BMP5: variants seen among roughly 807,000 people sequenced by gnomAD.
BMP5 encodes bone morphogenetic protein 5.
Under a neutral mutation model 46.6 loss-of-function variants are expected in BMP5, and 23 were observed. That is an observed-to-expected ratio of 0.49 (90% CI 0.35 to 0.70). BMP5 has a LOEUF of 0.70. Among genes scored for constraint, BMP5 ranks in the 30% least tolerant of loss-of-function variants. The pLI is 0.00. For missense variants in BMP5, 545 were observed against 565.6 expected (o/e 0.96, Z 0.37); for synonymous variants, 204 against 191.9 (o/e 1.06, Z -0.52).
chr6:55,755,887 T>C (rs1582038603), intron 6 of BMP5, among the ~76,000 whole-genome samples: 2 of 152,048 alleles, frequency 1.3e-5, no homozygotes, highest in South Asian at 2.1e-4. Flanking sequence ...GCCAATTCAA[T>C]TATGTGTTTG....
chr6:55,777,265 G>C (rs575765862), intron 3 of BMP5, among the ~76,000 whole-genome samples: 1 of 151,602 alleles, frequency 6.6e-6, no homozygotes, highest in East Asian at 1.9e-4. Flanking sequence ...TACACCGTAT[G>C]TATTAAAAAA....
chr6:55,866,040 C>T (rs1011150909), intron 1 of BMP5, among the ~76,000 whole-genome samples: 6 of 152,176 alleles, frequency 3.9e-5, no homozygotes, highest in African/African-American at 1.2e-4. Context: ...AATTAATAAC[C>T]TTCATTGCTT....
intron 3 of BMP5, among the ~76,000 whole-genome samples, chr6:55,790,011 A>G (rs1775538739): frequency 1.3e-5 from 2 of 152,178 alleles, no homozygotes; most frequent in African/African-American, 4.8e-5. Flanking sequence ...GCTACTTTTG[A>G]TTTCAGCAGC....
intron 4 of BMP5, among the ~76,000 whole-genome samples, chr6:55,770,654 T>C (rs1775027111): frequency 6.6e-6 from 1 of 151,960 alleles, no homozygotes. Context: ...TAGCTTTCAA[T>C]CTATCTGGAC....
In BMP5 at chr6:55,758,876, A is replaced by T; in HGVS notation, c.1215+129T>A. On this transcript the variant is annotated intron_variant, in intron 6 of 6. Transcript: ENST00000370830. The stretch of plus-strand genomic sequence containing the variant: ...ACCCACAGTTGTTACTTCAGCTCTA[A>T]AAAGAAACAAATGAGTTTGAGAAGA... 7 of 750,862 alleles carry T rather than the reference A, an allele frequency of 9.3e-6. 1 individual carries two copies. The South Asian group carries it at 1.0e-4, about 11-fold the overall frequency. 46.5% of individuals were successfully genotyped at this position (750,862 alleles called of 1,614,324 possible). A position where few individuals can be genotyped will look rare whatever the true frequency, so the allele number is the denominator to read the frequency against.
At chr6:55,759,145 A>ACACACACACACAC (rs1554174423) in intron 5 of BMP5, 30 bp from the exon 6 acceptor site, 5 of 133,424 alleles carry the variant, frequency 3.7e-5, no homozygotes, top group Admixed American at 1.6e-4. Context: ...ACACACACAC[A>ACACACACACACAC]AAAAAAAAAA....
chr6:55,765,831 T>G (rs888540002), intron 4 of BMP5, among the ~76,000 whole-genome samples: 1 of 152,168 alleles, frequency 6.6e-6, no homozygotes, highest in African/African-American at 2.4e-5. Flanking sequence ...TTTGCATAAC[T>G]CTGCTCAGCA....
intron 1 of BMP5, among the ~76,000 whole-genome samples, chr6:55,869,180 C>A (rs946986699): frequency 1.3e-5 from 2 of 152,098 alleles, no homozygotes; most frequent in Non-Finnish European, 2.9e-5. Flanking sequence ...ACTGAGACAA[C>A]CCCCTCCTTC....
At chr6:55,822,931 T>C (rs901926625) in intron 1 of BMP5, among the ~76,000 whole-genome samples, 8 of 152,150 alleles carry the variant, frequency 5.3e-5, no homozygotes, top group Non-Finnish European at 1.0e-4. Flanking sequence ...TATATCCTAC[T>C]GCTTTGAATC....
At position 55,755,104 on chromosome 6, in the gene BMP5, A is replaced by G. The variant is rs2127513398; in HGVS notation, c.*429T>C. On this transcript the variant is annotated 3_prime_UTR_variant, in exon 7 of 7. Coordinates refer to ENST00000370830, the MANE Select transcript of BMP5 (RefSeq NM_021073.4). ...TTGGGTTGTTATTTTTTTAAGTCTT[A>G]TTTCTAAATAAATATTCTATCATGG... 6.6e-6 allele frequency: 1 copy of G among 152,532 alleles called. No individual in the cohort carries two copies. Among genetic ancestry groups the G allele is most frequent in the South Asian group, 2.1e-4 (1 of 4,846 alleles). 9.4% of individuals were successfully genotyped at this position (152,532 alleles called of 1,614,324 possible).
chr6:55,782,007 G>A (rs1381166170), intron 3 of BMP5, among the ~76,000 whole-genome samples: 1 of 151,614 alleles, frequency 6.6e-6, no homozygotes, highest in African/African-American at 2.4e-5. Context: ...AAATTATTCG[G>A]CACCTAATAA....
intron 4 of BMP5, among the ~76,000 whole-genome samples, chr6:55,762,846 C>T (rs1255638651): frequency 2.0e-5 from 3 of 151,908 alleles, no homozygotes; most frequent in Non-Finnish European, 4.4e-5. Context: ...ATATGTTGGG[C>T]TAAGTGGTCT....
At chr6:55,784,190 T>A (rs2127525246) in intron 3 of BMP5, among the ~76,000 whole-genome samples, 1 of 152,006 alleles carries the variant, frequency 6.6e-6, no homozygotes, top group East Asian at 1.9e-4. Flanking sequence ...CTTACATATG[T>A]TACCTGCTTT....
chr6:55,816,842 G>A (rs1298180370), intron 2 of BMP5, among the ~76,000 whole-genome samples: 1 of 149,712 alleles, frequency 6.7e-6, no homozygotes, highest in Non-Finnish European at 1.5e-5. Context: ...TGTTGTCACT[G>A]TAAAGCCTTT....
At chr6:55,865,817 T>C (rs530747310) in intron 1 of BMP5, among the ~76,000 whole-genome samples, 9 of 152,242 alleles carry the variant, frequency 5.9e-5, no homozygotes, top group South Asian at 2.1e-4. Context: ...CAGTCTTAAC[T>C]CCAATTCTGT....
intron 1 of BMP5, among the ~76,000 whole-genome samples, chr6:55,834,745 A>G (rs781441074): frequency 6.6e-6 from 1 of 152,164 alleles, no homozygotes; most frequent in Admixed American, 6.6e-5. Context: ...ATGGACAGAA[A>G]CAGATTCTAT....
intron 2 of BMP5, among the ~76,000 whole-genome samples, chr6:55,812,975 C>T (rs1323609504): frequency 6.6e-6 from 1 of 151,990 alleles, no homozygotes; most frequent in Non-Finnish European, 1.5e-5. Context: ...ATTTACTCTT[C>T]TCAGAGAATT....
intron 2 of BMP5, among the ~76,000 whole-genome samples, chr6:55,813,327 A>G (rs1014169231): frequency 6.6e-6 from 1 of 152,038 alleles, no homozygotes; most frequent in Admixed American, 6.5e-5. Flanking sequence ...TTGAAGAATT[A>G]AAATGTAAAT....
chr6:55,864,262 G>T (rs1447157011), intron 1 of BMP5, among the ~76,000 whole-genome samples: 3 of 152,128 alleles, frequency 2.0e-5, no homozygotes, highest in African/African-American at 4.8e-5. Flanking sequence ...CCTCTCCTAA[G>T]CTCATGTTGA....
Sources: allele counts gnomAD v4.1 joint callset (sites outside exome capture counted in the v4.1 genomes callset), GRCh38; gene constraint gnomAD v4.1.1; transcripts MANE v1.5; gene names NCBI Gene and HGNC (gene_info 2026-07-23, HGNC 2026-07-21).